The following NAV2 variants were observed in gnomAD, a reference collection of about 807,000 sequenced individuals.
NAV2 encodes the protein helicase, APC down-regulated 1.
A neutral mutation model predicts 223.2 loss-of-function variants in NAV2; 54 were observed. The observed-to-expected ratio is 0.24, with a 90% CI of 0.19 to 0.30. The LOEUF is 0.30. NAV2 is among the 10% of genes least tolerant of loss of function. The probability of loss-of-function intolerance (pLI) is 1.00; values close to 1 mark genes in which losing one functional copy is unlikely to be tolerated. For synonymous variants in NAV2, 1,279 were observed against 1,239.3 expected, an observed-to-expected ratio of 1.03 and a Z score of -0.67; for missense variants, 2,806 against 3,147.5, an observed-to-expected ratio of 0.89 and a Z score of 2.60.
At chr11:19,584,744 C>T (rs2045838423) in intron 1 of NAV2, among the ~76,000 whole-genome samples, 2 of 152,104 alleles carry the variant, frequency 1.3e-5, no homozygotes, top group Non-Finnish European at 2.9e-5. Context: ...GTCTGAGAGA[C>T]AGTTTGTTAT....
intron 1 of NAV2, among the ~76,000 whole-genome samples, chr11:19,383,945 C>T (rs11025109): frequency 0.027 from 4,075 of 152,112 alleles, 92 homozygotes; most frequent in Admixed American, 0.066. Context: ...AATGTTTATC[C>T]TCATGTTGCA....
intron 1 of NAV2, among the ~76,000 whole-genome samples, chr11:19,684,400 C>T (rs1001155343): frequency 6.6e-6 from 1 of 152,084 alleles, no homozygotes; most frequent in Admixed American, 6.5e-5. Flanking sequence ...GGGGCTGTCT[C>T]TGAGACCCCA....
intron 3 of NAV2, among the ~76,000 whole-genome samples, chr11:19,846,681 C>T (rs1227502845): frequency 6.6e-6 from 1 of 152,232 alleles, no homozygotes; most frequent in African/African-American, 2.4e-5. Flanking sequence ...TGGCATAACA[C>T]TCACACCTTT....
chr11:19,424,615 C>G (rs1000456126), intron 1 of NAV2, among the ~76,000 whole-genome samples: 2 of 152,180 alleles, frequency 1.3e-5, no homozygotes, highest in Non-Finnish European at 2.9e-5. Flanking sequence ...GTGGCGCAAT[C>G]TCAGCTCACT....
intron 1 of NAV2, among the ~76,000 whole-genome samples, chr11:19,548,011 C>A (rs1332576067): frequency 6.6e-6 from 1 of 152,174 alleles, no homozygotes; most frequent in Non-Finnish European, 1.5e-5. Context: ...AAATAACCAG[C>A]CACACATCAC....
intron 1 of NAV2, among the ~76,000 whole-genome samples, chr11:19,572,324 C>T (rs866972517): frequency 7.2e-5 from 11 of 152,268 alleles, no homozygotes; most frequent in Middle Eastern, 3.4e-3. Context: ...ATTTGGCAGA[C>T]GGGGAAACTG....
rs546179791 is a variant in NAV2 at position 20,041,650 on chromosome 11, A to G, written c.2908-2331A>G. On this transcript the variant is annotated intron_variant, in intron 12 of 37. Transcript: ENST00000349880. ...GTAAGCTCCATGAGGTTAATGATTT[A>G]TACTTGTTCATTGCAGTATTCCTAG... is the stretch of plus-strand genomic sequence containing the variant. 9.2e-5 allele frequency among the ~76,000 whole-genome samples: 14 copies of G among 152,346 alleles called. No homozygotes were observed. The South Asian group carries it at 2.7e-3, about 29-fold the overall frequency.
chr11:19,660,533 G>A (rs1056248750), intron 1 of NAV2, among the ~76,000 whole-genome samples: 1 of 152,066 alleles, frequency 6.6e-6, no homozygotes, highest in Non-Finnish European at 1.5e-5. Flanking sequence ...TACTAGGGAG[G>A]GGGAGAAGCC....
At chr11:19,812,046 G>A (rs949470357) in intron 1 of NAV2, among the ~76,000 whole-genome samples, 3 of 152,028 alleles carry the variant, frequency 2.0e-5, no homozygotes, top group South Asian at 2.1e-4. Context: ...TTTTTCCATC[G>A]CCTTTCCATG....
intron 6 of NAV2, among the ~76,000 whole-genome samples, chr11:19,894,821 C>T (rs1447676817): frequency 1.3e-5 from 2 of 152,204 alleles, no homozygotes; most frequent in Non-Finnish European, 2.9e-5. Context: ...ACCTCCGCCT[C>T]CCGGGTTCAA....
chr11:20,114,853 G>T lies in NAV2; in HGVS notation c.7164+58G>T, dbSNP rs2062926731. 19 of 1,495,246 alleles carry T rather than the reference G, an allele frequency of 1.3e-5. No individual in the cohort carries two copies. The South Asian group carries it at 2.1e-4, about 17-fold the overall frequency. 92.6% of individuals were successfully genotyped at this position (1,495,246 alleles called of 1,614,324 possible). A position where few individuals can be genotyped will look rare whatever the true frequency, so the allele number is the denominator to read the frequency against. On this transcript the variant is annotated intron_variant, in intron 37 of 37. Transcript: ENST00000349880. ...TCCTTTAGCACTTACTGTGTGTTGG[G>T]TATGATGCAGAGCCTCTGGAAATAC...
Position 19,970,017 on chromosome 11 carries a change from A to G in NAV2, c.2646-14108A>G, listed in dbSNP as rs569964022. ...ACAATAAAATATAACTATTGTTACA[A>G]TATGCTCTAATAAAAGTTATGTGAA... On this transcript the variant is annotated intron_variant, in intron 10 of 37. Transcript: ENST00000349880. Among the ~76,000 whole-genome samples, 43 of 152,346 alleles carry G rather than the reference A, an allele frequency of 2.8e-4. 2 individuals carry two copies. In the South Asian group the frequency reaches 8.5e-3, roughly 30 times the overall value.
intron 1 of NAV2, among the ~76,000 whole-genome samples, chr11:19,455,364 A>G (rs1313130841): frequency 9.2e-5 from 14 of 152,236 alleles, no homozygotes; most frequent in Non-Finnish European, 2.1e-4. Flanking sequence ...CACAAGTAGT[A>G]TATAGTAGGT....
At chr11:19,954,503 G>A (rs2047666260) in intron 10 of NAV2, among the ~76,000 whole-genome samples, 3 of 152,012 alleles carry the variant, frequency 2.0e-5, no homozygotes, top group Non-Finnish European at 2.9e-5. Flanking sequence ...ATGTAAAATT[G>A]CATAGTATTT....
intron 3 of NAV2, among the ~76,000 whole-genome samples, chr11:19,852,161 T>C (rs1040114161): frequency 2.6e-5 from 4 of 152,220 alleles, no homozygotes; most frequent in Non-Finnish European, 4.4e-5. Context: ...AGATAATACA[T>C]CTGTATTGTT....
intron 1 of NAV2, among the ~76,000 whole-genome samples, chr11:19,412,952 A>G (rs1193609452): frequency 3.3e-5 from 5 of 152,208 alleles, no homozygotes; most frequent in Non-Finnish European, 7.3e-5. Flanking sequence ...AGGTGGATAA[A>G]TCCATGAAGA....
chr11:19,588,808 G>A lies in NAV2; in HGVS notation c.75+237781G>A, dbSNP rs191734060. ...AAGGAGTCAGAGCATGGGGTGTGAT[G>A]TGGTTTGGAATCTTGCTGGGCTTGG... On this transcript the variant is annotated intron_variant, in intron 1 of 37. Transcript: ENST00000360655. Among the ~76,000 whole-genome samples the A allele has an allele frequency of 6.6e-5, 10 of 152,360 alleles. No individual in the cohort carries two copies. In the East Asian group the frequency reaches 1.9e-3, roughly 29 times the overall value.
intron 1 of NAV2, among the ~76,000 whole-genome samples, chr11:19,527,188 C>T (rs1233265442): frequency 6.6e-6 from 1 of 152,076 alleles, no homozygotes; most frequent in Non-Finnish European, 1.5e-5. Context: ...CAGTTTCCCC[C>T]ATACTGTTCT....
intron 36 of NAV2, among the ~76,000 whole-genome samples, chr11:20,110,503 T>C (rs747645169): frequency 6.6e-6 from 1 of 152,272 alleles, no homozygotes; most frequent in Non-Finnish European, 1.5e-5. Context: ...ATGAGGAAAC[T>C]GAGGCTCACG....
Sources: allele counts gnomAD v4.1 joint callset (sites outside exome capture counted in the v4.1 genomes callset), GRCh38; gene constraint gnomAD v4.1.1; transcripts MANE v1.5; gene names NCBI Gene and HGNC (gene_info 2026-07-23, HGNC 2026-07-21).